STAU2: variants seen among roughly 807,000 people sequenced by gnomAD.
STAU2 encodes double-stranded RNA-binding protein Staufen homolog 2.
In STAU2, 20 loss-of-function variants were observed where a neutral mutation model predicts 65.9. The ratio of observed to expected loss-of-function variants is 0.30; its 90% CI spans 0.21 to 0.44. The LOEUF (loss-of-function observed/expected upper bound fraction) is 0.44. Among genes scored for constraint, STAU2 ranks in the 20% least tolerant of loss-of-function variants. The probability of loss-of-function intolerance (pLI) is 1.00; values close to 1 mark genes in which losing one functional copy is unlikely to be tolerated. For synonymous variants in STAU2, 232 were observed against 233.9 expected (o/e 0.99, Z 0.07); for missense variants, 558 against 683.9 (o/e 0.82, Z 2.05).
At chr8:73,461,369 A>G (rs1052683523) in intron 13 of STAU2, among the ~76,000 whole-genome samples, 2 of 152,136 alleles carry the variant, frequency 1.3e-5, no homozygotes, top group African/African-American at 4.8e-5. Flanking sequence ...AGGAGTAATA[A>G]TTATTCCAGC....
intron 5 of STAU2, among the ~76,000 whole-genome samples, chr8:73,685,671 CA>C (rs2130496456): frequency 6.6e-6 from 1 of 152,024 alleles, no homozygotes; most frequent in African/African-American, 2.4e-5. Context: ...CCACTGCGCC[CA>C]GCCAAAAAGA....
intron 6 of STAU2, among the ~76,000 whole-genome samples, chr8:73,629,390 G>A (rs551598769): frequency 6.6e-6 from 1 of 152,234 alleles, no homozygotes; most frequent in African/African-American, 2.4e-5. Flanking sequence ...GAATAGGTAT[G>A]TTTAATACAT....
intron 4 of STAU2, among the ~76,000 whole-genome samples, chr8:73,707,055 T>G (rs1365454399): frequency 6.6e-6 from 1 of 152,172 alleles, no homozygotes; most frequent in Non-Finnish European, 1.5e-5. Context: ...AGCTCTTCAC[T>G]CTTGGGAGAA....
chr8:73,565,789 A>G (rs1294760108), intron 12 of STAU2, among the ~76,000 whole-genome samples: 1 of 152,224 alleles, frequency 6.6e-6, no homozygotes, highest in Non-Finnish European at 1.5e-5. Flanking sequence ...GTCTTTATTG[A>G]GAAGTCTGGT....
At chr8:73,509,809 T>C (rs1207188893) in intron 13 of STAU2, among the ~76,000 whole-genome samples, 1 of 151,908 alleles carries the variant, frequency 6.6e-6, no homozygotes, top group Non-Finnish European at 1.5e-5. Context: ...AGAGATTTCT[T>C]CAATATACAA....
chr8:73,746,469 C>G (rs371000779), intron 1 of STAU2, among the ~76,000 whole-genome samples: 1 of 151,816 alleles, frequency 6.6e-6, no homozygotes, highest in Middle Eastern at 3.2e-3. Flanking sequence ...CCACTTGGCC[C>G]GGCCTCCTCG....
intron 13 of STAU2, among the ~76,000 whole-genome samples, chr8:73,470,085 G>C (rs2128905085): frequency 6.6e-6 from 1 of 152,294 alleles, no homozygotes; most frequent in African/African-American, 2.4e-5. Flanking sequence ...GGGTAAAGGT[G>C]ATGCTTTTGC....
At chr8:73,480,401 A>G (rs1168224385) in intron 13 of STAU2, among the ~76,000 whole-genome samples, 1 of 152,194 alleles carries the variant, frequency 6.6e-6, no homozygotes, top group Non-Finnish European at 1.5e-5. Flanking sequence ...AGACAGAGAT[A>G]AGTAACTTTC....
At chr8:73,506,972 C>T (rs914143407) in intron 13 of STAU2, among the ~76,000 whole-genome samples, 2 of 152,144 alleles carry the variant, frequency 1.3e-5, no homozygotes, top group African/African-American at 4.8e-5. Flanking sequence ...AGTAATTCAG[C>T]GCTATCTTCA....
intron 11 of STAU2, among the ~76,000 whole-genome samples, chr8:73,591,959 C>T (rs914814657): frequency 7.5e-6 from 1 of 133,832 alleles, no homozygotes; most frequent in African/African-American, 2.8e-5. Flanking sequence ...ATGTGTAGGG[C>T]AGAGCTAAAT....
chr8:73,585,254 G>A (rs1290587081), intron 11 of STAU2, among the ~76,000 whole-genome samples: 1 of 152,260 alleles, frequency 6.6e-6, no homozygotes, highest in African/African-American at 2.4e-5. Context: ...GCCGAGGCGA[G>A]CGGCTCACCT....
chr8:73,692,519 G>C (rs934863352), intron 4 of STAU2, among the ~76,000 whole-genome samples: 5 of 152,098 alleles, frequency 3.3e-5, no homozygotes, highest in African/African-American at 1.2e-4. Flanking sequence ...TTATCTGGCT[G>C]TTCACCTATA....
chr8:73,501,597 G>A (rs1821755327), intron 13 of STAU2, among the ~76,000 whole-genome samples: 1 of 151,900 alleles, frequency 6.6e-6, no homozygotes, highest in Admixed American at 6.6e-5. Context: ...TTAGGTCAGA[G>A]TTTCCTGAGC....
chr8:73,507,806 C>A (rs1019929001), intron 13 of STAU2, among the ~76,000 whole-genome samples: 17 of 152,212 alleles, frequency 1.1e-4, no homozygotes, highest in African/African-American at 4.1e-4. Context: ...GCCAGATCTT[C>A]TGGATAACTT....
intron 13 of STAU2, among the ~76,000 whole-genome samples, chr8:73,432,968 T>A (rs1408806392): frequency 1.3e-5 from 2 of 152,180 alleles, no homozygotes; most frequent in Non-Finnish European, 2.9e-5. Context: ...AATCGAGCAC[T>A]TAAATCACAG....
chr8:73,432,486 T>A (rs1184049033), intron 13 of STAU2, among the ~76,000 whole-genome samples: 1 of 152,250 alleles, frequency 6.6e-6, no homozygotes, highest in Non-Finnish European at 1.5e-5. Context: ...TTAATATTTC[T>A]AAGTTATCCT....
At chr8:73,582,405 T>C (rs969148327) in intron 12 of STAU2, among the ~76,000 whole-genome samples, 4 of 133,302 alleles carry the variant, frequency 3.0e-5, no homozygotes, top group Non-Finnish European at 6.7e-5. Flanking sequence ...AATCAGCTTA[T>C]AGATAATTAC....
chr8:73,639,290 G>T (rs1814782001), intron 6 of STAU2, among the ~76,000 whole-genome samples: 1 of 152,006 alleles, frequency 6.6e-6, no homozygotes, highest in African/African-American at 2.4e-5. Context: ...AAAGGAAAAA[G>T]AATACAATTT....
At chr8:73,475,622 T>C (rs1238927671) in intron 13 of STAU2, among the ~76,000 whole-genome samples, 1 of 152,220 alleles carries the variant, frequency 6.6e-6, no homozygotes, top group Non-Finnish European at 1.5e-5. Context: ...TCTATTGAAT[T>C]TATTTAAGTC....
Sources: gnomAD v4.1 joint callset for allele counts (sites outside exome capture counted in the v4.1 genomes callset) on GRCh38, gnomAD v4.1.1 for gene constraint, MANE v1.5 for transcripts, NCBI Gene and HGNC (gene_info 2026-07-23, HGNC 2026-07-21) for gene names.